The following ADAMTSL1 variants were observed in gnomAD, a reference collection of about 807,000 sequenced individuals.
ADAMTSL1 encodes the protein ADAMTS like 1.
A neutral mutation model predicts 201.8 loss-of-function variants in ADAMTSL1; 126 were observed. That is an observed-to-expected ratio of 0.62 (90% confidence interval 0.54 to 0.72). ADAMTSL1 has a LOEUF of 0.72. ADAMTSL1 is among the 30% of genes least tolerant of loss of function. The pLI is 0.00. For missense variants in ADAMTSL1, 2,679 were observed against 2,277.8 expected, an observed-to-expected ratio of 1.18 and a Z score of -3.59; for synonymous variants, 1,121 against 903.4, an observed-to-expected ratio of 1.24 and a Z score of -4.32.
At position 18,539,584 on chromosome 9, in the gene ADAMTSL1, A is replaced by G. The variant is rs367902910; in HGVS notation, c.237+6292A>G. The stretch of plus-strand genomic sequence containing the variant: ...TGAACACTCTTTGAACTATTTGATC[A>G]TGCTGTATTCCTTTCTATGACATCT... On this transcript the variant is annotated intron_variant, in intron 3 of 28. Coordinates refer to ENST00000380548, the MANE Select transcript of ADAMTSL1 (RefSeq NM_001040272.6). 1.9e-3 allele frequency among the ~76,000 whole-genome samples: 290 copies of G among 152,324 alleles called. 12 individuals are homozygous for G. In the South Asian group the frequency reaches 0.056, roughly 30 times the overall value.
At chr9:18,858,105 A>G (rs574531140) in intron 23 of ADAMTSL1, among the ~76,000 whole-genome samples, 2 of 152,266 alleles carry the variant, frequency 1.3e-5, no homozygotes, top group East Asian at 3.9e-4. Flanking sequence ...ACACACTAAT[A>G]TAATCATTTC....
chr9:18,314,464 C>G (rs561857387), intron 2 of ADAMTSL1, among the ~76,000 whole-genome samples: 2 of 151,988 alleles, frequency 1.3e-5, no homozygotes, highest in Non-Finnish European at 2.9e-5. Flanking sequence ...ATGCTGCATA[C>G]TTTCGCGGTG....
intron 23 of ADAMTSL1, among the ~76,000 whole-genome samples, chr9:18,857,014 C>G (rs1826899520): frequency 1.3e-5 from 2 of 152,106 alleles, no homozygotes; most frequent in African/African-American, 2.4e-5. Flanking sequence ...TCCCGGTCCT[C>G]CAAATCCTGA....
In ADAMTSL1 at chr9:18,581,726, C is replaced by T. The variant is rs996564047; in HGVS notation, c.474+7460C>T. ...CCATTCCCACTCAAAAAGGGAAAAA[C>T]ACCAAAGAAAAAGGGATCATAGGTC... On this transcript the variant is annotated intron_variant, in intron 4 of 28. Coordinates refer to ENST00000380548, the MANE Select transcript of ADAMTSL1 (RefSeq NM_001040272.6). Among the ~76,000 whole-genome samples, 4 of 152,088 alleles carry T rather than the reference C, an allele frequency of 2.6e-5. No homozygotes were observed. The East Asian group carries it at 5.8e-4, about 22-fold the overall frequency.
intron 1 of ADAMTSL1, among the ~76,000 whole-genome samples, chr9:17,923,282 G>A (rs1826382142): frequency 6.7e-6 from 1 of 149,602 alleles, no homozygotes; most frequent in South Asian, 2.2e-4. Context: ...AGCATGGAAT[G>A]TTCTTCCATT....
intron 1 of ADAMTSL1, among the ~76,000 whole-genome samples, chr9:17,940,654 G>C (rs908306673): frequency 7.1e-6 from 1 of 140,292 alleles, no homozygotes; most frequent in African/African-American, 2.7e-5. Context: ...ATAACGACTT[G>C]TCTTTTTAAT....
intron 1 of ADAMTSL1, among the ~76,000 whole-genome samples, chr9:17,934,671 GCTT>G (rs1432208477): frequency 6.6e-6 from 1 of 151,898 alleles, no homozygotes; most frequent in East Asian, 1.9e-4. Context: ...ATCCCTCATA[GCTT>G]CTTATTTCAT....
chr9:18,735,957 T>G (rs982499619), intron 15 of ADAMTSL1, among the ~76,000 whole-genome samples: 1 of 151,844 alleles, frequency 6.6e-6, no homozygotes, highest in Non-Finnish European at 1.5e-5. Flanking sequence ...TACCATACTT[T>G]TCCTGCCTCA....
At chr9:18,815,729 A>G (rs1240948588) in intron 20 of ADAMTSL1, among the ~76,000 whole-genome samples, 7 of 149,944 alleles carry the variant, frequency 4.7e-5, no homozygotes, top group Admixed American at 4.6e-4. Flanking sequence ...AAAAAAAAAA[A>G]AAAAAAGAGA....
rs193249594 is a variant in ADAMTSL1, at chr9:18,152,412, A to C, written c.88-11450A>C. ...CACGCCACATAAGAGCCATGGTTCC[A>C]TGCATGGATTTGGGAATCATCTGCC... On this transcript the variant is annotated intron_variant, in intron 1 of 29. Transcript: ENST00000680146. Among the ~76,000 whole-genome samples the C allele has an allele frequency of 8.5e-5, 13 of 152,166 alleles. No individual in the cohort carries two copies. In the East Asian group the frequency reaches 1.9e-3, roughly 23 times the overall value.
chr9:18,826,220 C>G (rs757434224), intron 21 of ADAMTSL1, 64 bp from the exon 22 acceptor site: 13 of 1,546,488 alleles, frequency 8.4e-6, no homozygotes, highest in Non-Finnish European at 1.1e-5. Context: ...ATAAATGCCT[C>G]TGGGCTCACC....
rs1563920831 is a variant in ADAMTSL1, at chr9:17,961,295, C to A, written c.87+54373C>A. 5.9e-5 allele frequency among the ~76,000 whole-genome samples: 9 copies of A among 152,182 alleles called. No homozygotes were observed. The South Asian group carries it at 1.9e-3, about 32-fold the overall frequency. On this transcript the variant is annotated intron_variant, in intron 1 of 29. Transcript: ENST00000680146. The stretch of plus-strand genomic sequence containing the variant: ...TGGAGTTTTGCTCTTGTTGCCCAGG[C>A]TGGAGTGTAATGACGCAATCTTGGC...
At chr9:18,480,112 G>T (rs1336382195) in intron 1 of ADAMTSL1, among the ~76,000 whole-genome samples, 1 of 152,070 alleles carries the variant, frequency 6.6e-6, no homozygotes, top group Non-Finnish European at 1.5e-5. Context: ...GGAAGAAAAC[G>T]ATACTTACAT....
chr9:18,047,529 A>C (rs1821721747), intron 1 of ADAMTSL1, among the ~76,000 whole-genome samples: 1 of 152,158 alleles, frequency 6.6e-6, no homozygotes, highest in South Asian at 2.1e-4. Context: ...AGCCATCCCT[A>C]AAATTTAGAT....
chr9:18,276,309 T>C (rs1832586604), intron 2 of ADAMTSL1, among the ~76,000 whole-genome samples: 1 of 152,212 alleles, frequency 6.6e-6, no homozygotes, highest in Admixed American at 6.5e-5. Context: ...CCATTCCATA[T>C]TATTAATGGT....
chr9:18,268,104 CT>C (rs1832212796), intron 2 of ADAMTSL1, among the ~76,000 whole-genome samples: 1 of 152,106 alleles, frequency 6.6e-6, no homozygotes, highest in Non-Finnish European at 1.5e-5. Context: ...ATTAAATTGT[CT>C]TTTAGCATAA....
chr9:17,994,178 G>T (rs1293501157), intron 1 of ADAMTSL1, among the ~76,000 whole-genome samples: 1 of 151,796 alleles, frequency 6.6e-6, no homozygotes. Context: ...TGCATCAAAG[G>T]CCCTGACTAA....
chr9:18,149,369 A>T (rs1017173145), intron 1 of ADAMTSL1, among the ~76,000 whole-genome samples: 2 of 152,086 alleles, frequency 1.3e-5, no homozygotes, highest in African/African-American at 2.4e-5. Context: ...CAAAGAAGAA[A>T]AAATGGTTGG....
intron 23 of ADAMTSL1, among the ~76,000 whole-genome samples, chr9:18,878,244 C>A (rs1828294389): frequency 6.6e-6 from 1 of 152,222 alleles, no homozygotes; most frequent in South Asian, 2.1e-4. Flanking sequence ...CACCTCCCCA[C>A]CTGTCGTGGC....
Sources: gnomAD v4.1 joint callset for allele counts (sites outside exome capture counted in the v4.1 genomes callset) on GRCh38, gnomAD v4.1.1 for gene constraint, MANE v1.5 for transcripts, NCBI Gene and HGNC (gene_info 2026-07-23, HGNC 2026-07-21) for gene names.